The following BTG4 variants were observed in gnomAD, a reference collection of about 807,000 sequenced individuals.
The protein encoded by BTG4 is protein BTG4.
Under a neutral mutation model 19.3 loss-of-function variants are expected in BTG4, and 10 were observed. The ratio of observed to expected loss-of-function variants is 0.52; its 90% CI spans 0.32 to 0.88. BTG4 has a LOEUF of 0.88. BTG4 is among the 40% of genes least tolerant of loss of function. The pLI is 0.04. For missense variants in BTG4, 238 were observed against 281.9 expected, an observed-to-expected ratio of 0.84 and a Z score of 1.11; for synonymous variants, 91 against 95.7, an observed-to-expected ratio of 0.95 and a Z score of 0.29.
the BTG4 span, among the ~76,000 whole-genome samples, chr11:111,415,347 A>G: frequency 6.6e-6 from 1 of 152,238 alleles, no homozygotes; most frequent in Non-Finnish European, 1.5e-5. Context: ...GGCAGCTGAT[A>G]ATACCATTCA....
the BTG4 span, among the ~76,000 whole-genome samples, chr11:111,434,582 AT>A: frequency 1.3e-5 from 2 of 151,406 alleles, no homozygotes; most frequent in South Asian, 2.1e-4. Flanking sequence ...TTTAAAAAAA[AT>A]AAAAGCCACT....
At chr11:111,437,846 T>C in the BTG4 span, among the ~76,000 whole-genome samples, 2 of 152,192 alleles carry the variant, frequency 1.3e-5, no homozygotes, top group Non-Finnish European at 2.9e-5. Flanking sequence ...GGTTTTCTTT[T>C]CAGCCCTGGT....
the BTG4 span, among the ~76,000 whole-genome samples, chr11:111,402,389 A>G: frequency 6.6e-6 from 1 of 152,224 alleles, no homozygotes; most frequent in Non-Finnish European, 1.5e-5. Flanking sequence ...GTTATTTTGT[A>G]TCAATCTAAG....
At chr11:111,425,155 C>T in the BTG4 span, among the ~76,000 whole-genome samples, 1 of 152,046 alleles carries the variant, frequency 6.6e-6, no homozygotes, top group Non-Finnish European at 1.5e-5. Flanking sequence ...GGCATGCATT[C>T]CAGGCAGAAC....
At chr11:111,471,730 A>G (rs1864076422) in intron 5 of BTG4, among the ~76,000 whole-genome samples, 1 of 151,988 alleles carries the variant, frequency 6.6e-6, no homozygotes, top group Non-Finnish European at 1.5e-5. Context: ...TTCAACCCCA[A>G]TTCTCTAACC....
At chr11:111,492,179 CA>C (rs1282318763), downstream of BTG4, among the ~76,000 whole-genome samples, 6 of 152,190 alleles carry the variant, frequency 3.9e-5, no homozygotes, top group Non-Finnish European at 7.4e-5. Flanking sequence ...TAGCAGTGTC[CA>C]TCAGCAGCAT....
At chr11:111,414,842 T>C in the BTG4 span, 1 of 152,172 alleles carries the variant, frequency 6.6e-6, no homozygotes, top group African/African-American at 2.4e-5. Context: ...TTGTACCTCC[T>C]AGAAGGAAAC....
chr11:111,399,751 C>A, the BTG4 span, among the ~76,000 whole-genome samples: 1 of 152,160 alleles, frequency 6.6e-6, no homozygotes, highest in African/African-American at 2.4e-5. Flanking sequence ...CACTTTTAAA[C>A]CACAGCATCT....
chr11:111,450,731 G>A, the BTG4 span: 1 of 152,332 alleles, frequency 6.6e-6, no homozygotes, highest in Non-Finnish European at 1.5e-5. Flanking sequence ...CAGGGTCAGA[G>A]GGAATCCCTG....
intron 5 of BTG4, among the ~76,000 whole-genome samples, chr11:111,482,424 A>G (rs1864797045): frequency 6.6e-6 from 1 of 152,132 alleles, no homozygotes; most frequent in South Asian, 2.1e-4. Flanking sequence ...TCAAAATCTC[A>G]GCAAGATTTT....
the BTG4 span, among the ~76,000 whole-genome samples, chr11:111,447,214 G>A: frequency 6.6e-6 from 1 of 152,232 alleles, no homozygotes; most frequent in African/African-American, 2.4e-5. Flanking sequence ...GATACATCAT[G>A]TGGTTATCCA....
the BTG4 span, among the ~76,000 whole-genome samples, chr11:111,444,076 G>A: frequency 3.3e-5 from 5 of 152,208 alleles, no homozygotes; most frequent in South Asian, 1.0e-3. Context: ...AGAATAAATG[G>A]AGAAAAATAA....
At chr11:111,494,135 G>C (rs893036398), downstream of BTG4, among the ~76,000 whole-genome samples, 1 of 152,200 alleles carries the variant, frequency 6.6e-6, no homozygotes, top group African/African-American at 2.4e-5. Flanking sequence ...CCTTAAAATG[G>C]AGATGAGAGA....
the BTG4 span, among the ~76,000 whole-genome samples, chr11:111,446,090 T>G: frequency 1.3e-5 from 2 of 152,210 alleles, no homozygotes; most frequent in Admixed American, 1.3e-4. Flanking sequence ...CCTTAAGACC[T>G]CAGAGCAGTA....
At chr11:111,503,192 C>G (rs1172076629) in intron 1 of BTG4, among the ~76,000 whole-genome samples, 4 of 152,164 alleles carry the variant, frequency 2.6e-5, no homozygotes, top group Non-Finnish European at 5.9e-5. Flanking sequence ...AAAATTTACC[C>G]CAAGTTTCAA....
intron 1 of BTG4, among the ~76,000 whole-genome samples, chr11:111,510,190 G>C (rs1866781587): frequency 6.6e-6 from 1 of 152,116 alleles, no homozygotes; most frequent in Admixed American, 6.5e-5. Flanking sequence ...GATTACAGGT[G>C]TGAGCCACAA....
the BTG4 span, chr11:111,415,843 T>A: frequency 6.6e-6 from 1 of 151,998 alleles, no homozygotes; most frequent in Non-Finnish European, 1.5e-5. Context: ...GAGTCTGCCA[T>A]CAGACTGGAC....
the BTG4 span, among the ~76,000 whole-genome samples, chr11:111,388,740 A>G: frequency 1.3e-5 from 2 of 152,196 alleles, no homozygotes; most frequent in Admixed American, 6.5e-5. Flanking sequence ...CAGCATTTAA[A>G]AGCCCACAAG....
At chr11:111,489,589 A>C (rs1565458099) in intron 5 of BTG4, among the ~76,000 whole-genome samples, 1 of 152,264 alleles carries the variant, frequency 6.6e-6, no homozygotes, top group Non-Finnish European at 1.5e-5. Flanking sequence ...ACACAATGGA[A>C]CATTATTCAA....
Sources: gnomAD v4.1 joint callset for allele counts (sites outside exome capture counted in the v4.1 genomes callset) on GRCh38, gnomAD v4.1.1 for gene constraint, MANE v1.5 for transcripts, NCBI Gene and HGNC (gene_info 2026-07-23, HGNC 2026-07-21) for gene names.